Variants in ANO2 observed in about 807,000 individuals in gnomAD.
The protein encoded by ANO2 is anoctamin-2.
ANO2 carries 101 observed loss-of-function variants against 124.2 expected under a neutral mutation model. The observed-to-expected ratio is 0.81, with a 90% CI of 0.69 to 0.96. The LOEUF (loss-of-function observed/expected upper bound fraction) is 0.96, where lower values mean the gene tolerates loss of function less well. ANO2 is among the 40% of genes least tolerant of loss of function. The pLI is 0.00. For synonymous variants in ANO2, 486 were observed against 482.5 expected (o/e 1.01, Z -0.09); for missense variants, 1,293 against 1,274.5 (o/e 1.01, Z -0.22).
chr12:5,847,223 G>A (rs958807243), intron 4 of ANO2, among the ~76,000 whole-genome samples: 1 of 152,132 alleles, frequency 6.6e-6, no homozygotes, highest in African/African-American at 2.4e-5. Context: ...CTGACTGCAT[G>A]AGCTGGGACA....
At chr12:5,712,287 A>G (rs74056654) in intron 14 of ANO2, among the ~76,000 whole-genome samples, 2,067 of 145,490 alleles carry the variant, frequency 0.014, 48 homozygotes, top group African/African-American at 0.047. Flanking sequence ...CCTGACTTGG[A>G]AAAAAAAAAA....
At chr12:5,604,234 C>T (rs1375649115) in intron 19 of ANO2, among the ~76,000 whole-genome samples, 2 of 151,960 alleles carry the variant, frequency 1.3e-5, no homozygotes, top group Non-Finnish European at 2.9e-5. Context: ...TTGGTGGTGC[C>T]GATGGCTACG....
At chr12:5,691,327 C>CAAAA (rs60573302) in intron 14 of ANO2, among the ~76,000 whole-genome samples, 28 of 86,950 alleles carry the variant, frequency 3.2e-4, no homozygotes, top group Non-Finnish European at 4.1e-4. Context: ...GACTCCATCT[C>CAAAA]AAAAAAAAAA....
intron 1 of ANO2, among the ~76,000 whole-genome samples, chr12:5,926,301 C>T (rs1037021916): frequency 3.9e-5 from 6 of 152,210 alleles, no homozygotes; most frequent in Non-Finnish European, 8.8e-5. Flanking sequence ...CCCTGGAGGA[C>T]GGCGATGCCC....
At chr12:5,731,968 G>C (rs576518193) in intron 14 of ANO2, among the ~76,000 whole-genome samples, 1 of 152,316 alleles carries the variant, frequency 6.6e-6, no homozygotes, top group African/African-American at 2.4e-5. Flanking sequence ...ATAGCGGTTA[G>C]AGGCACAGAC....
intron 19 of ANO2, among the ~76,000 whole-genome samples, chr12:5,606,824 T>C (rs1944244179): frequency 6.6e-6 from 1 of 152,116 alleles, no homozygotes; most frequent in Non-Finnish European, 1.5e-5. Context: ...ATGAGAATGT[T>C]GCACCCTCAG....
chr12:5,680,561 G>C (rs564948561), intron 14 of ANO2, among the ~76,000 whole-genome samples: 2 of 152,314 alleles, frequency 1.3e-5, no homozygotes, highest in African/African-American at 4.8e-5. Context: ...TGTGGGCTCA[G>C]AGAGCTGCCT....
At chr12:5,933,575 G>A (rs369017238) in intron 1 of ANO2, among the ~76,000 whole-genome samples, 5 of 152,080 alleles carry the variant, frequency 3.3e-5, no homozygotes, top group African/African-American at 9.7e-5. Flanking sequence ...TCTGATACAC[G>A]TACCCTTTAT....
intron 10 of ANO2, among the ~76,000 whole-genome samples, chr12:5,771,218 C>G (rs1300105808): frequency 2.0e-5 from 3 of 152,136 alleles, no homozygotes; most frequent in Non-Finnish European, 4.4e-5. Flanking sequence ...CATCAAAACC[C>G]CATAAGGTGG....
chr12:5,676,540 G>A (rs1006860478), intron 14 of ANO2, among the ~76,000 whole-genome samples: 1 of 152,018 alleles, frequency 6.6e-6, no homozygotes, highest in Non-Finnish European at 1.5e-5. Flanking sequence ...AAATGTTAAC[G>A]GTGGTCAAAT....
chr12:5,888,150 G>C (rs573885675), intron 3 of ANO2, among the ~76,000 whole-genome samples: 5 of 152,124 alleles, frequency 3.3e-5, no homozygotes, highest in African/African-American at 2.4e-5. Flanking sequence ...TGGTGGGTTT[G>C]TGGTCTCGCT....
intron 7 of ANO2, among the ~76,000 whole-genome samples, chr12:5,808,277 T>A (rs1165200920): frequency 6.6e-6 from 1 of 152,238 alleles, no homozygotes; most frequent in African/African-American, 2.4e-5. Flanking sequence ...AAATGTGAAA[T>A]GAACAAATGG....
At chr12:5,867,785 A>AAT (rs1340621559) in intron 3 of ANO2, among the ~76,000 whole-genome samples, 2 of 150,658 alleles carry the variant, frequency 1.3e-5, no homozygotes, top group Non-Finnish European at 3.0e-5. Flanking sequence ...AATGAAAAAA[A>AAT]AAAAAAAAAA....
chr12:5,812,654 G>C (rs1204219440), intron 7 of ANO2, among the ~76,000 whole-genome samples: 1 of 143,566 alleles, frequency 7.0e-6, no homozygotes, highest in African/African-American at 2.6e-5. Context: ...AGGAGGAAGG[G>C]AGGAAGAGAG....
intron 15 of ANO2, among the ~76,000 whole-genome samples, chr12:5,646,570 A>G (rs886651068): frequency 2.0e-5 from 3 of 152,176 alleles, no homozygotes; most frequent in Admixed American, 6.5e-5. Context: ...TTAAATATTG[A>G]ATGAATGAAT....
At chr12:5,749,825 G>A (rs972466925) in intron 11 of ANO2, among the ~76,000 whole-genome samples, 10 of 152,036 alleles carry the variant, frequency 6.6e-5, no homozygotes, top group African/African-American at 1.7e-4. Flanking sequence ...TGACTTAGGC[G>A]TCGCGATTAC....
At chr12:5,628,571 A>G (rs961048599) in intron 16 of ANO2, among the ~76,000 whole-genome samples, 4 of 152,154 alleles carry the variant, frequency 2.6e-5, no homozygotes, top group African/African-American at 9.6e-5. Flanking sequence ...AAATGGGAGT[A>G]TTAAGATTAC....
intron 20 of ANO2, among the ~76,000 whole-genome samples, chr12:5,596,608 C>T (rs1183067754): frequency 6.6e-6 from 1 of 152,056 alleles, no homozygotes; most frequent in Non-Finnish European, 1.5e-5. Context: ...AGTTCCTTCC[C>T]AAAGTCACCA....
chr12:5,641,716 G>A (rs779844407), intron 15 of ANO2, among the ~76,000 whole-genome samples: 18 of 152,146 alleles, frequency 1.2e-4, no homozygotes, highest in Non-Finnish European at 2.6e-4. Flanking sequence ...CAGGCATAGT[G>A]AGATTCTCAA....
Sources: gnomAD v4.1 joint callset for allele counts (sites outside exome capture counted in the v4.1 genomes callset) on GRCh38, gnomAD v4.1.1 for gene constraint, MANE v1.5 for transcripts, NCBI Gene and HGNC (gene_info 2026-07-23, HGNC 2026-07-21) for gene names.